LRMDA: variants seen among roughly 807,000 people sequenced by gnomAD.
LRMDA encodes leucine-rich melanocyte differentiation-associated protein.
A neutral mutation model predicts 29.8 loss-of-function variants in LRMDA; 18 were observed. The observed-to-expected ratio is 0.60, with a 90% CI of 0.42 to 0.90. The LOEUF (loss-of-function observed/expected upper bound fraction) is 0.90, where lower values mean the gene tolerates loss of function less well. LRMDA is among the 40% of genes least tolerant of loss of function. LRMDA has a pLI of 0.00. For synonymous variants in LRMDA, 125 were observed against 109.4 expected, an observed-to-expected ratio of 1.14 and a Z score of -0.89; for missense variants, 273 against 273.9, an observed-to-expected ratio of 1.00 and a Z score of 0.02.
chr10:76,084,364 ATTTTTTTTTTTTTTTTTTTTTT>A (rs71024586), intron 5 of LRMDA, among the ~76,000 whole-genome samples: 1 of 70,904 alleles, frequency 1.4e-5, no homozygotes, highest in Non-Finnish European at 2.6e-5. Context: ...CGCCCAGCTA[ATTTTTTTTTTTTTTTTTTTTTT>A]TTTTTTTTTG....
intron 2 of LRMDA, among the ~76,000 whole-genome samples, chr10:75,507,076 T>A (rs1053450619): frequency 6.6e-6 from 1 of 151,698 alleles, no homozygotes; most frequent in African/African-American, 2.4e-5. Context: ...ATTCAGTGTT[T>A]GCTCAGCAGT....
intron 5 of LRMDA, among the ~76,000 whole-genome samples, chr10:76,220,334 T>G (rs1337852165): frequency 1.3e-5 from 2 of 150,292 alleles, no homozygotes; most frequent in South Asian, 2.1e-4. Flanking sequence ...CAGGAGCTGG[T>G]TTTTTTTGAA....
At chr10:75,958,831 C>T (rs901114101) in intron 2 of LRMDA, among the ~76,000 whole-genome samples, 3 of 152,126 alleles carry the variant, frequency 2.0e-5, no homozygotes, top group African/African-American at 4.8e-5. Context: ...GGAGGCCTCA[C>T]AATCGTGGCA....
In LRMDA at chr10:76,354,160, T is replaced by C. The variant is rs532150567; in HGVS notation, c.601+29675T>C. The stretch of plus-strand genomic sequence containing the variant: ...TATCCCCGTCCCACCCGAATACATA[T>C]GGCTCAGGGTATAATATTAAAGGAC... On this transcript the variant is annotated intron_variant, in intron 6 of 6. Coordinates refer to ENST00000611255, the MANE Select transcript of LRMDA (RefSeq NM_001305581.2). Among the ~76,000 whole-genome samples, 41 of 152,180 alleles carry C rather than the reference T, an allele frequency of 2.7e-4. 1 individual carries two copies. In the South Asian group the frequency reaches 3.1e-3, roughly 12 times the overall value.
intron 2 of LRMDA, among the ~76,000 whole-genome samples, chr10:75,746,234 C>T (rs1172972235): frequency 6.6e-6 from 1 of 152,106 alleles, no homozygotes; most frequent in East Asian, 1.9e-4. Context: ...GAGGTCATTA[C>T]GTAAATAATT....
chr10:75,935,349 A>C (rs956861573), intron 2 of LRMDA, among the ~76,000 whole-genome samples: 1 of 152,246 alleles, frequency 6.6e-6, no homozygotes, highest in African/African-American at 2.4e-5. Context: ...TACTGATTGG[A>C]AGCATGATAA....
At chr10:75,725,936 G>A (rs1842626600) in intron 2 of LRMDA, among the ~76,000 whole-genome samples, 1 of 152,190 alleles carries the variant, frequency 6.6e-6, no homozygotes, top group Non-Finnish European at 1.5e-5. Flanking sequence ...GAATGTGTGT[G>A]TATGCATCTC....
intron 2 of LRMDA, among the ~76,000 whole-genome samples, chr10:75,891,527 G>A (rs1179840446): frequency 6.6e-6 from 1 of 152,194 alleles, no homozygotes; most frequent in Non-Finnish European, 1.5e-5. Context: ...GTGGTGAGAT[G>A]GGGAAGCAAG....
chr10:76,209,792 G>GAC (rs1254015715), intron 5 of LRMDA, among the ~76,000 whole-genome samples: 1 of 152,162 alleles, frequency 6.6e-6, no homozygotes, highest in Non-Finnish European at 1.5e-5. Context: ...TGTACTCTGA[G>GAC]AGAGTGTCCT....
chr10:76,185,335 T>C (rs1005368494), intron 5 of LRMDA, among the ~76,000 whole-genome samples: 15 of 152,184 alleles, frequency 9.9e-5, no homozygotes, highest in African/African-American at 3.4e-4. Context: ...CCAGAAGAGC[T>C]TGTTTACATA....
chr10:75,435,466 T>G (rs961002766), intron 1 of LRMDA, among the ~76,000 whole-genome samples: 5 of 152,248 alleles, frequency 3.3e-5, no homozygotes, highest in African/African-American at 1.2e-4. Context: ...ATTTGAGCCC[T>G]TCAGCCTGGT....
chr10:75,505,553 G>C (rs552956202), intron 2 of LRMDA, among the ~76,000 whole-genome samples: 1 of 152,260 alleles, frequency 6.6e-6, no homozygotes, highest in African/African-American at 2.4e-5. Context: ...GTGCTGTTTA[G>C]ATCCTTACAG....
rs1417358261 is a variant in LRMDA, at chr10:76,558,574, C to T, written c.*1286C>T. 1 of 152,190 alleles carries T rather than the reference C, an allele frequency of 6.6e-6. No homozygotes were observed. Among genetic ancestry groups the T allele is most frequent in the African/African-American group, 2.4e-5 (1 of 41,450 alleles). The allele number at this position is 152,190 out of a possible 1,614,324, so 9.4% of individuals were successfully genotyped here. A position where few individuals can be genotyped will look rare whatever the true frequency, so the allele number is the denominator to read the frequency against. On this transcript the variant is annotated 3_prime_UTR_variant, in exon 7 of 7. Transcript: ENST00000611255. ...TCTTGACACGATAGTGTTTATTTTT[C>T]TGCTTCTTCCATTTAGACCAAGTGT...
At chr10:75,613,617 C>G (rs932740718) in intron 2 of LRMDA, among the ~76,000 whole-genome samples, 1 of 152,132 alleles carries the variant, frequency 6.6e-6, no homozygotes, top group Non-Finnish European at 1.5e-5. Context: ...GCAGAGTTCT[C>G]CAGGTTTCAT....
chr10:75,607,824 GTTTTTTTTTTTT>G (rs5786180), intron 2 of LRMDA, among the ~76,000 whole-genome samples: 3 of 72,302 alleles, frequency 4.1e-5, no homozygotes, highest in East Asian at 4.6e-4. Flanking sequence ...TGATTCAGTG[GTTTTTTTTTTTT>G]TTTTTTTTTT....
chr10:76,420,680 G>A (rs1842063218), intron 6 of LRMDA, among the ~76,000 whole-genome samples: 1 of 151,882 alleles, frequency 6.6e-6, no homozygotes, highest in Non-Finnish European at 1.5e-5. Context: ...ATGTCTCTAA[G>A]CGTGGCTTTA....
chr10:76,168,104 C>T (rs955248291), intron 5 of LRMDA, among the ~76,000 whole-genome samples: 1 of 152,114 alleles, frequency 6.6e-6, no homozygotes, highest in African/African-American at 2.4e-5. Flanking sequence ...AGGAATAATC[C>T]ACCTGCTTTA....
At chr10:76,157,980 C>CA (rs34568392) in intron 5 of LRMDA, among the ~76,000 whole-genome samples, 11 of 151,282 alleles carry the variant, frequency 7.3e-5, no homozygotes, top group African/African-American at 2.4e-4. Context: ...TGTATCTAAA[C>CA]AAAAAAAAAG....
intron 2 of LRMDA, among the ~76,000 whole-genome samples, chr10:75,863,147 C>T (rs1202288598): frequency 6.6e-6 from 1 of 152,092 alleles, no homozygotes; most frequent in Non-Finnish European, 1.5e-5. Context: ...TGGATTCCCT[C>T]ATTATGTTAT....
Sources: gnomAD v4.1 joint callset for allele counts (sites outside exome capture counted in the v4.1 genomes callset) on GRCh38, gnomAD v4.1.1 for gene constraint, MANE v1.5 for transcripts, NCBI Gene and HGNC (gene_info 2026-07-23, HGNC 2026-07-21) for gene names.